UGT1A3: variants seen among roughly 807,000 people sequenced by gnomAD.
UGT1A3 encodes UDP glucuronosyltransferase family 1 member A3.
A neutral mutation model predicts 41.0 loss-of-function variants in UGT1A3; 31 were observed. The observed-to-expected ratio is 0.76, with a 90% CI of 0.57 to 1.02. UGT1A3 has a LOEUF of 1.02. Ranked by LOEUF, UGT1A3 falls within the 50% of genes least tolerant of loss-of-function variation. The pLI is 0.00. For synonymous variants in UGT1A3, 262 were observed against 257.6 expected (o/e 1.02, Z -0.17); for missense variants, 737 against 671.0 (o/e 1.10, Z -1.09).
At chr2:233,752,070 A>G (rs1694888070) in intron 1 of UGT1A3, among the ~76,000 whole-genome samples, 1 of 152,244 alleles carries the variant, frequency 6.6e-6, no homozygotes, top group Non-Finnish European at 1.5e-5. Flanking sequence ...GAGATGGGGA[A>G]GTCTCTCTAC....
chr2:233,753,915 A>G (rs890179802), intron 1 of UGT1A3, among the ~76,000 whole-genome samples: 2 of 152,336 alleles, frequency 1.3e-5, no homozygotes, highest in African/African-American at 4.8e-5. Context: ...CACCGATTTC[A>G]GCTCAGTGAT....
intron 1 of UGT1A3, among the ~76,000 whole-genome samples, chr2:233,737,681 C>T (rs2125810058): frequency 6.6e-6 from 1 of 152,268 alleles, no homozygotes; most frequent in South Asian, 2.1e-4. Context: ...TCCTATTTGG[C>T]CATTGGTGCT....
In UGT1A3 at chr2:233,755,096, G is replaced by A. The variant is rs62191920; in HGVS notation, c.868-11938G>A. On this transcript the variant is annotated intron_variant, in intron 1 of 4. Transcript: ENST00000482026. ...GGTCATAGATATCGCGTTTCTACGC[G>A]TCCGACAACACCTCGTAGGCCTCAG... 3.7e-6 allele frequency: 5 copies of A among 1,334,470 alleles called. No individual in the cohort carries two copies. The Admixed American group carries it at 7.6e-5, about 20-fold the overall frequency. 82.7% of individuals were successfully genotyped at this position (1,334,470 alleles called of 1,614,324 possible).
chr2:233,755,271 C>CATAG, intron 1 of UGT1A3: 1 of 755,820 alleles, frequency 1.3e-6, no homozygotes. Flanking sequence ...GTCCACTATG[C>CATAG]TGGACTGCCA....
rs1047777533 is a variant in UGT1A3 at position 233,760,225 on chromosome 2, G to T, written c.868-6809G>T. ...AAACATTAACTTGGTGTATCGATTG[G>T]TTTTTGCCATATATATATATATAAG... On this transcript the variant is annotated intron_variant, in intron 1 of 4. Coordinates refer to ENST00000482026, the MANE Select transcript of UGT1A3 (RefSeq NM_019093.4). 3.2e-6 allele frequency: 5 copies of T among 1,585,120 alleles called. No individual in the cohort carries two copies. The African/African-American group carries it at 4.5e-5, about 14-fold the overall frequency.
intron 1 of UGT1A3, chr2:233,744,109 G>C: frequency 2.5e-6 from 1 of 395,016 alleles, no homozygotes; most frequent in Non-Finnish European, 4.6e-6. Context: ...GACTGGCCCT[G>C]CTCTCTGTGA....
chr2:233,737,525 C>T (rs943562691), intron 1 of UGT1A3, among the ~76,000 whole-genome samples: 11 of 152,188 alleles, frequency 7.2e-5, no homozygotes, highest in African/African-American at 1.4e-4. Context: ...GGTGAGGCGA[C>T]GCCCTGCCCT....
rs2126036602 is a variant in UGT1A3 at position 233,768,050 on chromosome 2, C to G, written c.1087+114C>G. On this transcript the variant is annotated intron_variant, in intron 3 of 4. Transcript: ENST00000482026. ...TTGAAAATATTATGGCCAACATATC[C>G]TACATTGCTTTTTATCTAGTGGGGT... 3 of 1,606,318 alleles carry G rather than the reference C, an allele frequency of 1.9e-6. No individual in the cohort carries two copies. In the Middle Eastern group the frequency reaches 5.0e-4, roughly 265 times the overall value.
intron 1 of UGT1A3, chr2:233,747,635 G>C: frequency 7.6e-6 from 12 of 1,581,768 alleles, no homozygotes; most frequent in Non-Finnish European, 1.0e-5. Context: ...TCAGGCACCT[G>C]AATGCTACTT....
At chr2:233,744,795 G>A (rs1194652207) in intron 1 of UGT1A3, among the ~76,000 whole-genome samples, 2 of 151,864 alleles carry the variant, frequency 1.3e-5, no homozygotes, top group Non-Finnish European at 2.9e-5. Context: ...AATTCTTGGG[G>A]ATCCCTAGGA....
chr2:233,747,268 C>T lies in UGT1A3; in HGVS notation c.867+17275C>T, dbSNP rs567491863. On this transcript the variant is annotated intron_variant, in intron 1 of 4. Coordinates refer to ENST00000482026, the MANE Select transcript of UGT1A3 (RefSeq NM_019093.4). ...GTGGCTGGCCACAGGAGTGCTACTC[C>T]TTCTCAGTGCCCAGCCCTGGGCTGA... 3.1e-6 allele frequency: 5 copies of T among 1,599,420 alleles called. No individual in the cohort carries two copies. In the African/African-American group the frequency reaches 4.0e-5, roughly 13 times the overall value.
At chr2:233,741,345 A>C (rs1260340579) in intron 1 of UGT1A3, among the ~76,000 whole-genome samples, 2 of 151,734 alleles carry the variant, frequency 1.3e-5, no homozygotes, top group African/African-American at 2.4e-5. Flanking sequence ...AGTGATTTCC[A>C]ACACACAAAA....
intron 1 of UGT1A3, among the ~76,000 whole-genome samples, chr2:233,751,045 G>GA (rs1443230816): frequency 1.3e-5 from 2 of 152,004 alleles, no homozygotes; most frequent in East Asian, 3.9e-4. Flanking sequence ...TGTGTGCCTG[G>GA]AAAAGACACA....
At chr2:233,755,183 C>G (rs564578980) in intron 1 of UGT1A3, 175 of 1,199,670 alleles carry the variant, frequency 1.5e-4, no homozygotes, top group Middle Eastern at 2.2e-4. Context: ...CGGGGTGCCA[C>G]TTGAGCGCCA....
At chr2:233,741,527 G>A (rs1192386842) in intron 1 of UGT1A3, 5 of 151,902 alleles carry the variant, frequency 3.3e-5, no homozygotes, top group Non-Finnish European at 5.9e-5. Flanking sequence ...TTAACAGTCT[G>A]TCTTATTCTG....
At chr2:233,758,861 A>G (rs911579331) in intron 1 of UGT1A3, among the ~76,000 whole-genome samples, 2 of 152,228 alleles carry the variant, frequency 1.3e-5, no homozygotes, top group African/African-American at 4.8e-5. Context: ...TGGCTGCACA[A>G]TACTTGCCCC....
In UGT1A3 at chr2:233,747,480, G is replaced by C. The variant is rs1693691129; in HGVS notation, c.867+17487G>C. On this transcript the variant is annotated intron_variant, in intron 1 of 4. Transcript: ENST00000482026. ...CATTTCATGGACCCAGGATGAATTT[G>C]ATCGCCTTGTGCTGGGCCACACTCA... is the stretch of plus-strand genomic sequence containing the variant. 6 of 1,608,868 alleles carry C rather than the reference G, an allele frequency of 3.7e-6. No homozygotes were observed. The South Asian group carries it at 5.5e-5, about 15-fold the overall frequency.
chr2:233,739,615 T>G (rs1449918072), intron 1 of UGT1A3, among the ~76,000 whole-genome samples: 1 of 152,228 alleles, frequency 6.6e-6, no homozygotes, highest in Non-Finnish European at 1.5e-5. Context: ...TTGGCCAGTT[T>G]CTCCCATTTG....
chr2:233,754,994 G>A, intron 1 of UGT1A3: 2 of 1,293,996 alleles, frequency 1.5e-6, no homozygotes. Flanking sequence ...GGTCACGGAA[G>A]CTGAAGACCT....
Sources: allele counts gnomAD v4.1 joint callset (sites outside exome capture counted in the v4.1 genomes callset), GRCh38; gene constraint gnomAD v4.1.1; transcripts MANE v1.5; gene names NCBI Gene and HGNC (gene_info 2026-07-23, HGNC 2026-07-21).